Variants in INSM2 observed in about 807,000 individuals in gnomAD.
INSM2 encodes the protein INSM transcriptional repressor 2.
In INSM2, 12 loss-of-function variants were observed where a neutral mutation model predicts 30.5. The ratio of observed to expected loss-of-function variants is 0.39; its 90% confidence interval spans 0.25 to 0.64. The LOEUF (loss-of-function observed/expected upper bound fraction) is 0.64. Among genes scored for constraint, INSM2 ranks in the 30% least tolerant of loss-of-function variants. The probability of loss-of-function intolerance (pLI) is 0.47; values close to 1 mark genes in which losing one functional copy is unlikely to be tolerated. For missense variants in INSM2, 773 were observed against 819.2 expected, an observed-to-expected ratio of 0.94 and a Z score of 0.69; for synonymous variants, 418 against 383.7, an observed-to-expected ratio of 1.09 and a Z score of -1.05.
chr14:35,534,788 C>G lies in INSM2; in HGVS notation c.536C>G (p.Pro179Arg), dbSNP rs1418137171. ...CCGTTCCCAGAGCCCGCGCTTCAGC[C>G]GGACCCTGCGCCCCTCTCGGCCGCC... is the stretch of plus-strand genomic sequence containing the variant. ...RAPFPEPALQ[P>R]DPAPLSAALQ... is the part of the protein sequence containing the mutation. Residue 179 changes from proline (P) to arginine (R), a missense_variant, in exon 1 of 1, where the codon CCG (proline) becomes CGG (arginine). Physicochemically the swap from Pro to Arg is moderately radical, Grantham distance 103. Coordinates refer to ENST00000307169, the MANE Select transcript of INSM2 (RefSeq NM_032594.4). 1.9e-5 allele frequency: 27 copies of G among 1,443,190 alleles called. No individual in the cohort carries two copies. The highest frequency in any genetic ancestry group is 2.4e-5 in the Non-Finnish European group (26 of 1,103,590). 89.4% of individuals were successfully genotyped at this position (1,443,190 alleles called of 1,614,324 possible). A position where few individuals can be genotyped will look rare whatever the true frequency, so the allele number is the denominator to read the frequency against.
In INSM2 at chr14:35,534,359, C is replaced by T. The variant is rs1449797465; in HGVS notation, c.107C>T (p.Pro36Leu). 1.3e-6 allele frequency: 2 copies of T among 1,574,694 alleles called. No homozygotes were observed. Among genetic ancestry groups the T allele is most frequent in the Admixed American group, 1.8e-5 (1 of 55,040 alleles). ...FPLLGPQGAP[P>L]FLEEAPSASL... ...CTGCTGGGGCCCCAGGGGGCGCCGC[C>T]CTTCTTGGAGGAGGCTCCCAGCGCC... Residue 36 changes from proline (P) to leucine (L), a missense_variant, in exon 1 of 1, where the codon CCC becomes CTC. Coordinates refer to ENST00000307169, the MANE Select transcript of INSM2 (RefSeq NM_032594.4).
In INSM2 at chr14:35,534,360, C is replaced by G; in HGVS notation, c.108C>G (p.Pro36=). The G allele has an allele frequency of 1.3e-6, 2 of 1,573,494 alleles. No homozygotes were observed. The highest frequency in any genetic ancestry group is 1.7e-6 in the Non-Finnish European group (2 of 1,162,798). Reference sequence around the variant, plus strand: ...TGCTGGGGCCCCAGGGGGCGCCGCCCTTCTTGGAGGAGGCTCCCAGCGCCT... The same window carrying G: ...TGCTGGGGCCCCAGGGGGCGCCGCCGTTCTTGGAGGAGGCTCCCAGCGCCT... ...FPLLGPQGAP[P]FLEEAPSASL... is the part of the protein sequence containing the mutation. Residue 36 remains proline (P), a synonymous_variant, in exon 1 of 1, where the codon CCC becomes CCG. Coordinates refer to ENST00000307169, the MANE Select transcript of INSM2 (RefSeq NM_032594.4).
Position 35,534,867 on chromosome 14 carries a change from GGA to G in INSM2, c.616_617del (p.Asp206LeufsTer24). 6.4e-7 allele frequency: 1 copy of G among 1,573,376 alleles called. No homozygotes were observed. The highest frequency in any genetic ancestry group is 8.6e-7 in the Non-Finnish European group (1 of 1,165,494). On this transcript the variant is annotated frameshift_variant, in exon 1 of 1. Coordinates refer to ENST00000307169, the MANE Select transcript of INSM2 (RefSeq NM_032594.4). LOFTEE classifies it high-confidence loss of function. ...GCGAGCGCCGCGGCAAGGCACCCAC[GGA>G]CTGCGCGTCTGGACCCGCGGCCGCG... The part of the protein sequence containing the change: ...GGERRGKAPT[D>X]CASGPAAAGI...
Position 35,535,612 on chromosome 14 carries a change from C to A in INSM2, c.1360C>A (p.Arg454Ser), listed in dbSNP as rs373080462. Reference protein sequence around the residue: ...HLSTHEAGSARALAPGFGSER... With the variant: ...HLSTHEAGSASALAPGFGSER... ...GAGCACTCACGAGGCGGGCTCGGCC[C>A]GTGCGCTAGCGCCGGGCTTTGGCTC... Residue 454 changes from arginine to serine, a missense_variant, in exon 1 of 1, where the codon CGT becomes AGT. Physicochemically the swap from Arg to Ser is moderately radical, Grantham distance 110. Coordinates refer to ENST00000307169, the MANE Select transcript of INSM2 (RefSeq NM_032594.4). 3.7e-6 allele frequency: 6 copies of A among 1,612,992 alleles called. No homozygotes were observed. The highest frequency in any genetic ancestry group is 1.1e-5 in the South Asian group (1 of 91,090).
Position 35,535,041 on chromosome 14 carries a change from C to G in INSM2, c.789C>G (p.Phe263Leu). Residue 263 changes from phenylalanine to leucine, a missense_variant, in exon 1 of 1, where the codon TTC (phenylalanine) becomes TTG (leucine). Phe to Leu is a conservative substitution (Grantham distance 22). Coordinates refer to ENST00000307169, the MANE Select transcript of INSM2 (RefSeq NM_032594.4). Reference sequence around the variant, plus strand: ...GCAGCCGCACGCCACTGGGGGAGTTCATCTGCCAGCTGTGCAAGGAGCAGT... The same window carrying G: ...GCAGCCGCACGCCACTGGGGGAGTTGATCTGCCAGCTGTGCAAGGAGCAGT... Reference protein sequence around the residue: ...LGGSRTPLGEFICQLCKEQYA... With the variant: ...LGGSRTPLGELICQLCKEQYA... The G allele has an allele frequency of 1.3e-6, 2 of 1,587,220 alleles. No homozygotes were observed. Among genetic ancestry groups the G allele is most frequent in the Non-Finnish European group, 1.7e-6 (2 of 1,166,444 alleles).
rs760995907 is a variant in INSM2, at chr14:35,535,304, C to G, written c.1052C>G (p.Ala351Gly). ...TCCGGGGCCATTGCATCTTTTCTGG[C>G]GGAGGGAAAGGAGAACAGCCGAATA... is the stretch of plus-strand genomic sequence containing the variant. ...RDSGAIASFL[A>G]EGKENSRIER... is the part of the protein sequence containing the mutation. Residue 351 changes from alanine to glycine, a missense_variant, in exon 1 of 1, where the codon GCG (alanine) becomes GGG (glycine). By Grantham distance (60) the Ala-to-Gly change is moderately conservative. Coordinates refer to ENST00000307169, the MANE Select transcript of INSM2 (RefSeq NM_032594.4). 6.2e-7 allele frequency: 1 copy of G among 1,612,344 alleles called. No individual in the cohort carries two copies. The highest frequency in any genetic ancestry group is 8.5e-7 in the Non-Finnish European group (1 of 1,179,462).
Position 35,534,724 on chromosome 14 carries a change from C to G in INSM2, c.472C>G (p.Pro158Ala). Residue 158 changes from proline (P) to alanine (A), a missense_variant, in exon 1 of 1, where the codon CCG becomes GCG. Pro to Ala is a conservative substitution (Grantham distance 27, BLOSUM62 -1). Transcript: ENST00000307169. ...FSCSVAPAAAPTPGEQFLLPL... is the reference protein window; with the variant it reads ...FSCSVAPAAAATPGEQFLLPL... ...CTGCTCCGTGGCGCCAGCAGCCGCACCGACCCCGGGGGAGCAGTTTCTGCT... is the reference window on the plus strand; with the variant it reads ...CTGCTCCGTGGCGCCAGCAGCCGCAGCGACCCCGGGGGAGCAGTTTCTGCT... The G allele has an allele frequency of 7.2e-7, 1 of 1,391,704 alleles. No individual in the cohort carries two copies. Among genetic ancestry groups the G allele is most frequent in the Non-Finnish European group, 9.3e-7 (1 of 1,080,136 alleles). 86.2% of individuals were successfully genotyped at this position (1,391,704 alleles called of 1,614,324 possible). A position where few individuals can be genotyped will look rare whatever the true frequency, so the allele number is the denominator to read the frequency against.
At position 35,534,202 on chromosome 14, in the gene INSM2, G is replaced by A. The variant is rs369501233; in HGVS notation, c.-51G>A. ...TAGTTCATCTGCTGGCCGGCTCTCA[G>A]TCCCCGTGGCGCCCCCTTTCCTCTT... is the stretch of plus-strand genomic sequence containing the variant. On this transcript the variant is annotated 5_prime_UTR_variant, in exon 1 of 1. Transcript: ENST00000307169. The A allele has an allele frequency of 3.7e-5, 57 of 1,546,110 alleles. No homozygotes were observed. The highest frequency in any genetic ancestry group is 4.7e-4 in the Middle Eastern group (2 of 4,294).
chr14:35,534,182 C>A lies in INSM2; in HGVS notation c.-71C>A, dbSNP rs747931067. ...CAGCCGCGGCGAAGCTCTTCTAGTT[C>A]ATCTGCTGGCCGGCTCTCAGTCCCC... is the stretch of plus-strand genomic sequence containing the variant. On this transcript the variant is annotated 5_prime_UTR_variant, in exon 1 of 1. Coordinates refer to ENST00000307169, the MANE Select transcript of INSM2 (RefSeq NM_032594.4). 1 of 1,524,946 alleles carries A rather than the reference C, an allele frequency of 6.6e-7. No homozygotes were observed. The highest frequency in any genetic ancestry group is 1.4e-5 in the African/African-American group (1 of 68,994). 94.5% of individuals were successfully genotyped at this position (1,524,946 alleles called of 1,614,324 possible).
Position 35,535,986 on chromosome 14 carries a change from C to A in INSM2, c.*33C>A. 1 of 1,546,534 alleles carries A rather than the reference C, an allele frequency of 6.5e-7. No individual in the cohort carries two copies. The highest frequency in any genetic ancestry group is 1.3e-5 in the South Asian group (1 of 79,188). ...GAGACCAGGATGATTTCGAGGTTGG[C>A]CTTAGAGGAAACAGATCATGGGAAT... is the stretch of plus-strand genomic sequence containing the variant. On this transcript the variant is annotated 3_prime_UTR_variant, in exon 1 of 1. Coordinates refer to ENST00000307169, the MANE Select transcript of INSM2 (RefSeq NM_032594.4).
Position 35,535,503 on chromosome 14 carries a change from C to T in INSM2, c.1251C>T (p.Thr417=). The T allele has an allele frequency of 1.2e-6, 2 of 1,613,286 alleles. No individual in the cohort carries two copies. The highest frequency in any genetic ancestry group is 1.7e-6 in the Non-Finnish European group (2 of 1,179,974). Residue 417 remains threonine, a synonymous_variant, in exon 1 of 1, where the codon ACC becomes ACT. Transcript: ENST00000307169. ...GCCGGGTACCTGTGCCGGGCAGTAC[C>T]AGTGGTGGCAGGGGATCCGAGATTT... is the stretch of plus-strand genomic sequence containing the variant. ...LGRRVPVPGS[T]SGGRGSEIFV...
rs1436713302 is a variant in INSM2 at position 35,534,685 on chromosome 14, G to A, written c.433G>A (p.Val145Met). Residue 145 changes from valine to methionine, a missense_variant, in exon 1 of 1, where the codon GTG becomes ATG. Coordinates refer to ENST00000307169, the MANE Select transcript of INSM2 (RefSeq NM_032594.4). ...GTCTTTCCCCGGGGGCGCCGCCGCCGTGGCCGCTTTCTCCTGCTCCGTGGC... is the reference window on the plus strand; with the variant it reads ...GTCTTTCCCCGGGGGCGCCGCCGCCATGGCCGCTTTCTCCTGCTCCGTGGC... Reference protein sequence around the residue: ...AESFPGGAAAVAAFSCSVAPA... With the variant: ...AESFPGGAAAMAAFSCSVAPA... 1 of 1,401,888 alleles carries A rather than the reference G, an allele frequency of 7.1e-7. No individual in the cohort carries two copies. The highest frequency in any genetic ancestry group is 1.6e-5 in the South Asian group (1 of 61,618). The allele number at this position is 1,401,888 out of a possible 1,614,324, so 86.8% of individuals were successfully genotyped here. A position where few individuals can be genotyped will look rare whatever the true frequency, so the allele number is the denominator to read the frequency against.
chr14:35,535,251 T>C lies in INSM2; in HGVS notation c.999T>C (p.Pro333=). 1 of 1,613,536 alleles carries C rather than the reference T, an allele frequency of 6.2e-7. No individual in the cohort carries two copies. The highest frequency in any genetic ancestry group is 8.5e-7 in the Non-Finnish European group (1 of 1,179,944). ...TCTCCTCCGCCGACGGGAAGCCGCCTTCTTCGTCGTCTTCGTCCTCCCGGG... is the reference window on the plus strand; with the variant it reads ...TCTCCTCCGCCGACGGGAAGCCGCCCTCTTCGTCGTCTTCGTCCTCCCGGG... ...ATVSSADGKP[P]SSSSSSSRDS... The change falls in exon 1 of 1, where the codon CCT becomes CCC. Residue 333 remains proline (P), a synonymous_variant. Transcript: ENST00000307169.
In INSM2 at chr14:35,535,442, T is replaced by G; in HGVS notation, c.1190T>G (p.Leu397Arg). The change falls in exon 1 of 1, where the codon CTG (leucine) becomes CGG (arginine). Residue 397 changes from leucine (L) to arginine (R), a missense_variant. By Grantham distance (102) the Leu-to-Arg change is moderately radical. Coordinates refer to ENST00000307169, the MANE Select transcript of INSM2 (RefSeq NM_032594.4). ...LQVLTHPEPP[L>R]PQGPYTEGVL... Reference sequence around the variant, plus strand: ...GTGCTGACGCATCCAGAGCCACCGCTGCCTCAGGGCCCCTACACGGAGGGG... The same window carrying G: ...GTGCTGACGCATCCAGAGCCACCGCGGCCTCAGGGCCCCTACACGGAGGGG... 1 of 1,612,404 alleles carries G rather than the reference T, an allele frequency of 6.2e-7. No individual in the cohort carries two copies. Among genetic ancestry groups the G allele is most frequent in the East Asian group, 2.2e-5 (1 of 44,876 alleles).
At position 35,534,421 on chromosome 14, in the gene INSM2, C is replaced by A. The variant is rs2053578791; in HGVS notation, c.169C>A (p.Arg57=). 2 of 1,497,888 alleles carry A rather than the reference C, an allele frequency of 1.3e-6. No homozygotes were observed. The highest frequency in any genetic ancestry group is 1.3e-5 in the South Asian group (1 of 74,670). The allele number at this position is 1,497,888 out of a possible 1,614,324, so 92.8% of individuals were successfully genotyped here. Reference sequence around the variant, plus strand: ...CGCGGAGCGGGCGACACCCCCCACCCGAGAGGAACCAGGAAAGGGGTTGAC... The same window carrying A: ...CGCGGAGCGGGCGACACCCCCCACCAGAGAGGAACCAGGAAAGGGGTTGAC... ...PGAERATPPT[R]EEPGKGLTAE... The change falls in exon 1 of 1, where the codon CGA becomes AGA. Residue 57 remains arginine, a synonymous_variant. Transcript: ENST00000307169.
chr14:35,535,005 G>A lies in INSM2; in HGVS notation c.753G>A (p.Arg251=). 1.3e-6 allele frequency: 2 copies of A among 1,570,148 alleles called. No individual in the cohort carries two copies. The highest frequency in any genetic ancestry group is 1.7e-6 in the Non-Finnish European group (2 of 1,159,340). ...AGGAGGAGCCCGGAGCGCCGTCCCG[G>A]GGCTTGGGGGGCAGCCGCACGCCAC... ...IKEEEPGAPS[R]GLGGSRTPLG... The change falls in exon 1 of 1, where the codon CGG becomes CGA. Residue 251 remains arginine, a synonymous_variant. Coordinates refer to ENST00000307169, the MANE Select transcript of INSM2 (RefSeq NM_032594.4).
rs1419440257 is a variant in INSM2 at position 35,536,907 on chromosome 14, CTTGT to C, written c.*957_*960del. 2.4e-5 allele frequency: 4 copies of C among 167,050 alleles called. No homozygotes were observed. The highest frequency in any genetic ancestry group is 3.8e-4 in the East Asian group (2 of 5,210). The allele number at this position is 167,050 out of a possible 1,614,324, so 10.3% of individuals were successfully genotyped here. ...TTCAGTATTTTCTTTTCAGCGGCAA[CTTGT>C]TTTTGATTTTTTTAAAAAACCATTT... is the stretch of plus-strand genomic sequence containing the variant. On this transcript the variant is annotated 3_prime_UTR_variant, in exon 1 of 1. Coordinates refer to ENST00000307169, the MANE Select transcript of INSM2 (RefSeq NM_032594.4).
rs372421781 is a variant in INSM2, at chr14:35,535,145, A to G, written c.893A>G (p.Lys298Arg). The G allele has an allele frequency of 1.9e-6, 3 of 1,611,088 alleles. No individual in the cohort carries two copies. The highest frequency in any genetic ancestry group is 2.7e-5 in the African/African-American group (2 of 74,868). Reference protein sequence around the residue: ...RVEYRCPECDKVFSCPANLAS... With the variant: ...RVEYRCPECDRVFSCPANLAS... The stretch of plus-strand genomic sequence containing the variant: ...GAGTACCGCTGCCCTGAGTGCGACA[A>G]GGTGTTCAGCTGTCCTGCGAACCTG... Residue 298 changes from lysine to arginine, a missense_variant, in exon 1 of 1, where the codon AAG (lysine) becomes AGG (arginine). Transcript: ENST00000307169.
rs759533888 is a variant in INSM2, at chr14:35,535,843, C to T, written c.1591C>T (p.Pro531Ser). 1.9e-6 allele frequency: 3 copies of T among 1,614,112 alleles called. No homozygotes were observed. Among genetic ancestry groups the T allele is most frequent in the South Asian group, 2.2e-5 (2 of 91,084 alleles). The change falls in exon 1 of 1, where the codon CCG becomes TCG. Residue 531 changes from proline to serine, a missense_variant. Physicochemically the swap from Pro to Ser is moderately conservative, Grantham distance 74 (BLOSUM62 -1). Coordinates refer to ENST00000307169, the MANE Select transcript of INSM2 (RefSeq NM_032594.4). ...GCAAATTTTCTCGTGCAAGCACTGC[C>T]CGTCCACTTTTTTTAGCTCTCCAGG... ...AQQIFSCKHC[P>S]STFFSSPGLT... is the part of the protein sequence containing the mutation.
Sources: gnomAD v4.1 joint callset for allele counts on GRCh38, gnomAD v4.1.1 for gene constraint, MANE v1.5 for transcripts, NCBI Gene and HGNC (gene_info 2026-07-23, HGNC 2026-07-21) for gene names.